The following DAP3 variants were observed in gnomAD, a reference collection of about 807,000 sequenced individuals.
DAP3 encodes the protein small ribosomal subunit protein mS29.
In DAP3, 28 loss-of-function variants were observed where a neutral mutation model predicts 51.9. The ratio of observed to expected loss-of-function variants is 0.54; its 90% CI spans 0.40 to 0.74. The LOEUF (loss-of-function observed/expected upper bound fraction) is 0.74, where lower values mean the gene tolerates loss of function less well. Ranked by LOEUF, DAP3 falls within the 30% of genes least tolerant of loss-of-function variation. The pLI is 0.00. For synonymous variants in DAP3, 170 were observed against 170.3 expected (o/e 1.00, Z 0.01); for missense variants, 458 against 483.5 (o/e 0.95, Z 0.49).
At position 155,729,114 on chromosome 1, in the gene DAP3, G is replaced by C; in HGVS notation, c.676G>C (p.Val226Leu). 1 of 1,614,172 alleles carries C rather than the reference G, an allele frequency of 6.2e-7. No homozygotes were observed. The highest frequency in any genetic ancestry group is 8.5e-7 in the Non-Finnish European group (1 of 1,180,034). ...TEKGSPLGEV[V>L]EQGITRVRNA... ...GAAAGGGAGTCCTCTGGGAGAAGTGGTTGAACAGGTATAAGAAAAAACACT... is the reference window on the plus strand; with the variant it reads ...GAAAGGGAGTCCTCTGGGAGAAGTGCTTGAACAGGTATAAGAAAAAACACT... The change falls in exon 8 of 13, where the codon GTT becomes CTT. Residue 226 changes from valine to leucine, a missense_variant. Coordinates refer to ENST00000368336, the MANE Select transcript of DAP3 (RefSeq NM_004632.4).
chr1:155,737,930 G>C (rs1659975405), intron 12 of DAP3, among the ~76,000 whole-genome samples: 1 of 152,208 alleles, frequency 6.6e-6, no homozygotes. Context: ...TCTTGGAGTG[G>C]AGAGAGAGCT....
In DAP3 at chr1:155,716,527, C is replaced by G. The variant is rs532263393; in HGVS notation, c.46-479C>G. ...GGCGGAGCTTGCAGTGAGCCGAGATCGCGCCACTGCACTCCAGCCTGGGCG... is the reference window on the plus strand; with the variant it reads ...GGCGGAGCTTGCAGTGAGCCGAGATGGCGCCACTGCACTCCAGCCTGGGCG... On this transcript the variant is annotated intron_variant, in intron 2 of 12. Transcript: ENST00000368336. Among the ~76,000 whole-genome samples, 612 of 151,094 alleles carry G rather than the reference C, an allele frequency of 4.1e-3. 2 individuals are homozygous for G. Among genetic ancestry groups the G allele is most frequent in the Middle Eastern group, 0.014 (4 of 294 alleles).
chr1:155,722,572 C>A (rs1363763970), intron 4 of DAP3, among the ~76,000 whole-genome samples: 1 of 151,966 alleles, frequency 6.6e-6, no homozygotes, highest in East Asian at 1.9e-4. Context: ...AAAACATGGG[C>A]AACCCTCTCG....
intron 1 of DAP3, among the ~76,000 whole-genome samples, chr1:155,704,336 A>G (rs1380316238): frequency 6.6e-6 from 1 of 152,218 alleles, no homozygotes; most frequent in East Asian, 1.9e-4. Flanking sequence ...AGGCAAAATA[A>G]TAGCTCCAGT....
At chr1:155,703,826 T>C (rs1430449866) in intron 1 of DAP3, among the ~76,000 whole-genome samples, 2 of 152,184 alleles carry the variant, frequency 1.3e-5, no homozygotes, top group South Asian at 4.1e-4. Flanking sequence ...TGTGAGCCAC[T>C]GCGCCTGACC....
At chr1:155,712,886 G>C (rs775275398) in intron 2 of DAP3, among the ~76,000 whole-genome samples, 10 of 152,122 alleles carry the variant, frequency 6.6e-5, no homozygotes, top group Non-Finnish European at 1.3e-4. Context: ...AAAGAGGCAT[G>C]GTGCTTTCTC....
intron 2 of DAP3, among the ~76,000 whole-genome samples, chr1:155,712,612 C>CAAAAAAA (rs61338392): frequency 1.8e-5 from 1 of 55,520 alleles, no homozygotes. Flanking sequence ...AACTCCGTCT[C>CAAAAAAA]AAAAAAAAAA....
intron 1 of DAP3, among the ~76,000 whole-genome samples, chr1:155,702,169 A>G (rs1309040255): frequency 6.7e-6 from 1 of 148,636 alleles, no homozygotes; most frequent in African/African-American, 2.6e-5. Flanking sequence ...AAAAAAAAAA[A>G]AGAAAATTAG....
chr1:155,737,145 C>T (rs1659893451), intron 12 of DAP3, 82 bp downstream of exon 12: 1 of 954,040 alleles, frequency 1.0e-6, no homozygotes, highest in African/African-American at 1.6e-5. Flanking sequence ...CTCTTCTTCC[C>T]TTAACAACAG....
chr1:155,688,749 A>C, upstream of DAP3: 2 of 1,516,000 alleles, frequency 1.3e-6, no homozygotes, highest in Non-Finnish European at 1.8e-6. Flanking sequence ...CCGCCAAAGC[A>C]GCCGCCGCCA....
chr1:155,730,185 A>G lies in DAP3; in HGVS notation c.843+819A>G, dbSNP rs58751658. 5.4e-5 allele frequency among the ~76,000 whole-genome samples: 8 copies of G among 147,942 alleles called. No homozygotes were observed. The East Asian group carries it at 1.4e-3, about 25-fold the overall frequency. ...TATACCTATATGTTCATATATGTATATATAATATTCATATATGTATATATG... is the reference window on the plus strand; with the variant it reads ...TATACCTATATGTTCATATATGTATGTATAATATTCATATATGTATATATG... On this transcript the variant is annotated intron_variant, in intron 9 of 12. Transcript: ENST00000368336.
chr1:155,735,420 AC>A (rs1659670896), intron 11 of DAP3, among the ~76,000 whole-genome samples: 2 of 152,026 alleles, frequency 1.3e-5, no homozygotes, highest in Non-Finnish European at 2.9e-5. Flanking sequence ...TACTAAAAAT[AC>A]AAAAAATTAG....
intron 3 of DAP3, among the ~76,000 whole-genome samples, chr1:155,720,545 G>A (rs911905711): frequency 1.3e-5 from 2 of 152,098 alleles, no homozygotes; most frequent in African/African-American, 2.4e-5. Context: ...CTACTTGGGA[G>A]GGTGAGGCAG....
At chr1:155,730,297 A>G (rs144215511) in intron 9 of DAP3, among the ~76,000 whole-genome samples, 122 of 137,400 alleles carry the variant, frequency 8.9e-4, no homozygotes, top group Admixed American at 1.4e-3. Context: ...ACACATACAT[A>G]TTCGTATATA....
At chr1:155,692,496 C>T (rs530499311) in intron 1 of DAP3, among the ~76,000 whole-genome samples, 2 of 142,220 alleles carry the variant, frequency 1.4e-5, no homozygotes, top group South Asian at 4.1e-4. Flanking sequence ...AACAGGTACA[C>T]ATTAAAGCAA....
At chr1:155,700,574 T>C (rs941784860) in intron 1 of DAP3, among the ~76,000 whole-genome samples, 1 of 110,596 alleles carries the variant, frequency 9.0e-6, no homozygotes, top group Admixed American at 9.1e-5. Context: ...AGGTGGGGGG[T>C]CAGCCCCCCG....
intron 1 of DAP3, among the ~76,000 whole-genome samples, chr1:155,696,908 A>AT (rs1654588519): frequency 6.6e-6 from 1 of 152,210 alleles, no homozygotes; most frequent in African/African-American, 2.4e-5. Context: ...ACAAGCAGCC[A>AT]GTCTTTAGGG....
intron 1 of DAP3, among the ~76,000 whole-genome samples, chr1:155,698,169 C>G (rs1161197362): frequency 1.3e-5 from 2 of 152,144 alleles, no homozygotes; most frequent in African/African-American, 4.8e-5. Context: ...GCAATCATCA[C>G]AGGGTCCTCA....
chr1:155,688,963 G>T, upstream of DAP3: 1 of 1,605,852 alleles, frequency 6.2e-7, no homozygotes, highest in Non-Finnish European at 8.5e-7. Flanking sequence ...GCTGCGGCTC[G>T]CCTCCTCCTC....
Sources: gnomAD v4.1 joint callset for allele counts (sites outside exome capture counted in the v4.1 genomes callset) on GRCh38, gnomAD v4.1.1 for gene constraint, MANE v1.5 for transcripts, NCBI Gene and HGNC (gene_info 2026-07-23, HGNC 2026-07-21) for gene names.